The following INSYN2B variants were observed in gnomAD, a reference collection of about 807,000 sequenced individuals.
INSYN2B encodes the protein protein INSYN2B.
INSYN2B carries 16 observed loss-of-function variants against 41.2 expected under a neutral mutation model. That is an observed-to-expected ratio of 0.39 (90% CI 0.26 to 0.59). The LOEUF is 0.59. Ranked by LOEUF, INSYN2B falls within the 20% of genes least tolerant of loss-of-function variation. The probability of loss-of-function intolerance (pLI) is 0.57; values close to 1 mark genes in which losing one functional copy is unlikely to be tolerated. For synonymous variants in INSYN2B, 245 were observed against 244.4 expected, an observed-to-expected ratio of 1.00 and a Z score of -0.02; for missense variants, 608 against 646.4, an observed-to-expected ratio of 0.94 and a Z score of 0.64.
At chr5:169,892,687 C>G (rs1773366560) in intron 1 of INSYN2B, among the ~76,000 whole-genome samples, 1 of 152,226 alleles carries the variant, frequency 6.6e-6, no homozygotes, top group South Asian at 2.1e-4. Context: ...ACCTCCTCTT[C>G]ATTTTTATCC....
chr5:169,943,490 C>T (rs763234367), intron 1 of INSYN2B, among the ~76,000 whole-genome samples: 43 of 152,186 alleles, frequency 2.8e-4, no homozygotes, highest in Non-Finnish European at 4.0e-4. Flanking sequence ...TTTAGGGCCT[C>T]TCTTGAGAAA....
At chr5:169,968,851 T>A (rs1184575028) in intron 1 of INSYN2B, among the ~76,000 whole-genome samples, 1 of 152,120 alleles carries the variant, frequency 6.6e-6, no homozygotes, top group Non-Finnish European at 1.5e-5. Flanking sequence ...TAGAGAAGGC[T>A]TCCCGGGAGA....
intron 1 of INSYN2B, among the ~76,000 whole-genome samples, chr5:169,971,874 T>C (rs2161369): frequency 0.75 from 113,877 of 152,130 alleles, 43,792 homozygotes; most frequent in African/African-American, 0.93. Context: ...ACCCAGGCAC[T>C]TTGTTCATTT....
rs997062361 is a variant in INSYN2B, at chr5:169,864,545, A to G, written c.1422-86T>C. ...ATCTCTCAGCCCCAACTAATATGGA[A>G]GAGCATGAGCTTTGGGATCAAATCC... On this transcript the variant is annotated intron_variant, in intron 3 of 3. Coordinates refer to ENST00000377365, the MANE Select transcript of INSYN2B (RefSeq NM_001129891.3). 6 of 1,078,820 alleles carry G rather than the reference A, an allele frequency of 5.6e-6. No homozygotes were observed. In the African/African-American group the frequency reaches 9.6e-5, roughly 17 times the overall value. The allele number at this position is 1,078,820 out of a possible 1,614,324, so 66.8% of individuals were successfully genotyped here. A position where few individuals can be genotyped will look rare whatever the true frequency, so the allele number is the denominator to read the frequency against.
intron 3 of INSYN2B, among the ~76,000 whole-genome samples, chr5:169,873,271 G>A (rs977057736): frequency 6.6e-6 from 1 of 152,168 alleles, no homozygotes; most frequent in African/African-American, 2.4e-5. Context: ...AAATGTCTTG[G>A]GAATCTCCTG....
rs142632030 is a variant in INSYN2B, at chr5:169,903,311, TAAAAAA to T, written c.-918-18501_-918-18496del. Among the ~76,000 whole-genome samples the T allele has an allele frequency of 1.5e-3, 166 of 111,056 alleles. 1 individual carries two copies. The highest frequency in any genetic ancestry group is 0.014 in the Middle Eastern group (3 of 218). The allele number at this position is 111,056 out of a possible 152,430, so 72.9% of individuals were successfully genotyped here. A position where few individuals can be genotyped will look rare whatever the true frequency, so the allele number is the denominator to read the frequency against. ...CTCTAAAAAACAACAACAACAACAA[TAAAAAA>T]AAAAAAAAAAAAGGAAAAGGAAAAA... On this transcript the variant is annotated intron_variant, in intron 1 of 3. Coordinates refer to ENST00000377365, the MANE Select transcript of INSYN2B (RefSeq NM_001129891.3).
At chr5:169,925,578 T>TAA (rs1561828965) in intron 1 of INSYN2B, among the ~76,000 whole-genome samples, 2,721 of 32,274 alleles carry the variant, frequency 0.084, 891 homozygotes, top group African/African-American at 0.32. Flanking sequence ...AGACTCTGTC[T>TAA]TAAAAAAAAA....
intron 1 of INSYN2B, among the ~76,000 whole-genome samples, chr5:169,978,542 G>A (rs1007638800): frequency 4.6e-5 from 7 of 151,964 alleles, no homozygotes; most frequent in African/African-American, 1.5e-4. Flanking sequence ...AATGATTTGG[G>A]GAGTGCTAAT....
At chr5:169,963,790 G>A (rs1777187845) in intron 1 of INSYN2B, among the ~76,000 whole-genome samples, 1 of 152,014 alleles carries the variant, frequency 6.6e-6, no homozygotes, top group Non-Finnish European at 1.5e-5. Context: ...GCTCTCTAAG[G>A]CCCTGGCTCT....
chr5:169,880,104 T>G (rs1477345735), intron 3 of INSYN2B, among the ~76,000 whole-genome samples: 1 of 152,226 alleles, frequency 6.6e-6, no homozygotes, highest in Non-Finnish European at 1.5e-5. Context: ...GAGCAATTGA[T>G]GAAACTTCTG....
At chr5:169,887,616 T>G (rs998558568) in intron 1 of INSYN2B, among the ~76,000 whole-genome samples, 13 of 152,252 alleles carry the variant, frequency 8.5e-5, no homozygotes, top group African/African-American at 3.1e-4. Context: ...ATTATCTATT[T>G]AAATAGTATT....
At chr5:169,938,447 T>C (rs1364604217) in intron 1 of INSYN2B, among the ~76,000 whole-genome samples, 1 of 152,212 alleles carries the variant, frequency 6.6e-6, no homozygotes, top group Admixed American at 6.5e-5. Context: ...GCTGTAAACC[T>C]GTATAGCATG....
chr5:169,867,811 T>C (rs760543099), intron 3 of INSYN2B, among the ~76,000 whole-genome samples: 15 of 152,194 alleles, frequency 9.9e-5, no homozygotes, highest in Non-Finnish European at 2.2e-4. Flanking sequence ...GGTTTCTGTC[T>C]GCACCACCTA....
chr5:169,938,503 T>C lies in INSYN2B; in HGVS notation c.-919+41774A>G, dbSNP rs369051518. Among the ~76,000 whole-genome samples the C allele has an allele frequency of 1.1e-4, 17 of 152,324 alleles. No homozygotes were observed. The East Asian group carries it at 3.3e-3, about 29-fold the overall frequency. ...GGCAATTAGAACACATTGGTAAATG[T>C]AATGTGTTTTTCTAAACATAGAAAA... On this transcript the variant is annotated intron_variant, in intron 1 of 3. Coordinates refer to ENST00000377365, the MANE Select transcript of INSYN2B (RefSeq NM_001129891.3).
At chr5:169,892,684 C>A (rs1243601900) in intron 1 of INSYN2B, among the ~76,000 whole-genome samples, 1 of 152,224 alleles carries the variant, frequency 6.6e-6, no homozygotes, top group African/African-American at 2.4e-5. Context: ...TCTACCTCCT[C>A]TTCATTTTTA....
chr5:169,897,233 G>A (rs1439652388), intron 1 of INSYN2B, among the ~76,000 whole-genome samples: 2 of 152,072 alleles, frequency 1.3e-5, no homozygotes, highest in Non-Finnish European at 2.9e-5. Context: ...CCACCAGGCT[G>A]GAGTGCATTG....
At chr5:169,936,222 C>T (rs531456926) in intron 1 of INSYN2B, among the ~76,000 whole-genome samples, 1 of 152,302 alleles carries the variant, frequency 6.6e-6, no homozygotes, top group East Asian at 1.9e-4. Flanking sequence ...ATTTTTGAGG[C>T]CCAAGCGTGA....
chr5:169,881,175 A>G (rs1009108197), intron 3 of INSYN2B, among the ~76,000 whole-genome samples, 193 bp downstream of exon 3: 2 of 152,224 alleles, frequency 1.3e-5, no homozygotes, highest in Non-Finnish European at 2.9e-5. Flanking sequence ...TGATTACATC[A>G]AAAGGGTATG....
In INSYN2B at chr5:169,881,458, T is replaced by G; in HGVS notation, c.1347-16A>C. On this transcript the variant is annotated splice_polypyrimidine_tract_variant and intron_variant, in intron 2 of 3. Transcript: ENST00000377365. Reference sequence around the variant, plus strand: ...AAAGTTGCGCCTGCAAGACAGAGCATTTGCTGGATAAATCTATGGGCAAAA... The same window carrying G: ...AAAGTTGCGCCTGCAAGACAGAGCAGTTGCTGGATAAATCTATGGGCAAAA... 6.5e-7 allele frequency: 1 copy of G among 1,550,208 alleles called. No individual in the cohort carries two copies. Among genetic ancestry groups the G allele is most frequent in the Non-Finnish European group, 8.7e-7 (1 of 1,145,734 alleles).
Sources: gnomAD v4.1 joint callset for allele counts (sites outside exome capture counted in the v4.1 genomes callset) on GRCh38, gnomAD v4.1.1 for gene constraint, MANE v1.5 for transcripts, NCBI Gene and HGNC (gene_info 2026-07-23, HGNC 2026-07-21) for gene names.